The following ADGRD1 variants were observed in gnomAD, a reference collection of about 807,000 sequenced individuals.
The protein encoded by ADGRD1 is G-protein coupled receptor 133.
ADGRD1 carries 77 observed loss-of-function variants against 113.4 expected under a neutral mutation model. The observed-to-expected ratio is 0.68, with a 90% CI of 0.57 to 0.82. ADGRD1 has a LOEUF of 0.82. Ranked by LOEUF, ADGRD1 falls within the 40% of genes least tolerant of loss-of-function variation. The pLI is 0.00. For synonymous variants in ADGRD1, 474 were observed against 475.0 expected (o/e 1.00, Z 0.03); for missense variants, 1,036 against 1,139.1 (o/e 0.91, Z 1.30).
intron 13 of ADGRD1, among the ~76,000 whole-genome samples, chr12:131,032,587 C>T (rs963249607): frequency 3.3e-5 from 5 of 152,212 alleles, no homozygotes; most frequent in Non-Finnish European, 7.3e-5. Context: ...CGTGGTTGCT[C>T]ACTGTGCTTC....
Position 130,954,743 on chromosome 12 carries a change from T to C in ADGRD1, c.103+83T>C. The C allele has an allele frequency of 7.5e-7, 1 of 1,340,146 alleles. No homozygotes were observed. Among genetic ancestry groups the C allele is most frequent in the Non-Finnish European group, 1.1e-6 (1 of 932,896 alleles). 83.0% of individuals were successfully genotyped at this position (1,340,146 alleles called of 1,614,324 possible). A position where few individuals can be genotyped will look rare whatever the true frequency, so the allele number is the denominator to read the frequency against. The stretch of plus-strand genomic sequence containing the variant: ...CTCAGGAACAGCCCACTTGTTCATC[T>C]CTGAGGCATCAGCGAATGGCCCTTG... On this transcript the variant is annotated intron_variant, in intron 2 of 24. Coordinates refer to ENST00000261654, the MANE Select transcript of ADGRD1 (RefSeq NM_198827.5). This position sits in a 1 kb window ranked among gnomAD's most constrained non-coding sequence, Gnocchi z 4.7.
intron 3 of ADGRD1, chr12:130,968,191 C>A (rs1871230398): frequency 6.6e-6 from 1 of 152,188 alleles, no homozygotes; most frequent in Admixed American, 6.5e-5. Context: ...TGCTTTGAAA[C>A]CTTTACCTAT....
intron 2 of ADGRD1, among the ~76,000 whole-genome samples, chr12:130,955,685 T>C (rs982147940): frequency 1.3e-5 from 2 of 152,224 alleles, no homozygotes; most frequent in Non-Finnish European, 2.9e-5. Flanking sequence ...GCACAGCCTC[T>C]GCCCCCGCCC....
intron 12 of ADGRD1, among the ~76,000 whole-genome samples, chr12:131,013,818 G>A (rs971602819): frequency 1.3e-5 from 2 of 152,170 alleles, no homozygotes; most frequent in African/African-American, 4.8e-5. Flanking sequence ...AAGTGGAATC[G>A]GTGAGATTCA....
intron 15 of ADGRD1, among the ~76,000 whole-genome samples, chr12:131,090,999 T>C (rs1281296716): frequency 6.6e-6 from 1 of 152,136 alleles, no homozygotes; most frequent in Non-Finnish European, 1.5e-5. Context: ...TCCTGCTGAG[T>C]GCAGTTCAAG....
intron 3 of ADGRD1, chr12:130,969,272 G>T (rs1225736095): frequency 1.3e-5 from 7 of 548,098 alleles, no homozygotes; most frequent in Non-Finnish European, 2.3e-5. Flanking sequence ...CAATACATTA[G>T]AACAGGGGTC....
At chr12:130,996,078 G>C (rs1233741863) in intron 8 of ADGRD1, among the ~76,000 whole-genome samples, 1 of 152,182 alleles carries the variant, frequency 6.6e-6, no homozygotes, top group African/African-American at 2.4e-5. Context: ...ATGTTTCAGA[G>C]AGCACAGGTT....
At chr12:131,069,852 T>G (rs1049520393) in intron 13 of ADGRD1, 3 of 152,218 alleles carry the variant, frequency 2.0e-5, no homozygotes, top group Non-Finnish European at 4.4e-5. Context: ...TAAAAACGTT[T>G]TGAGTAGCCT....
Position 130,963,298 on chromosome 12 carries a change from C to T in ADGRD1, c.104-3165C>T, listed in dbSNP as rs373912414. ...TCGCGCCACTGCACTCCAGCCTGGG[C>T]GACAGAGCCAGACTCCGTCTCAAAA... On this transcript the variant is annotated intron_variant, in intron 2 of 24. Coordinates refer to ENST00000261654, the MANE Select transcript of ADGRD1 (RefSeq NM_198827.5). Among the ~76,000 whole-genome samples, 62 of 113,948 alleles carry T rather than the reference C, an allele frequency of 5.4e-4. No individual in the cohort carries two copies. In the East Asian group the frequency reaches 0.013, roughly 24 times the overall value. The allele number at this position is 113,948 out of a possible 152,430, so 74.8% of individuals were successfully genotyped here.
Position 131,057,863 on chromosome 12 carries a change from T to C in ADGRD1, c.1474-18938T>C, listed in dbSNP as rs1884008744. 6.6e-6 allele frequency among the ~76,000 whole-genome samples: 1 copy of C among 152,128 alleles called. No individual in the cohort carries two copies. The highest frequency in any genetic ancestry group is 1.5e-5 in the Non-Finnish European group (1 of 68,020). On this transcript the variant is annotated intron_variant, in intron 13 of 24. Coordinates refer to ENST00000261654, the MANE Select transcript of ADGRD1 (RefSeq NM_198827.5). The surrounding 1 kb of genome is among the most constrained non-coding windows in gnomAD (Gnocchi z 4.2). Reference sequence around the variant, plus strand: ...GCATGTCTCTGCCTTCACTGGTACCTCCCTAGTCAAGGACCCCATGTGCTT... The same window carrying C: ...GCATGTCTCTGCCTTCACTGGTACCCCCCTAGTCAAGGACCCCATGTGCTT...
intron 8 of ADGRD1, 135 bp from the exon 9 acceptor site, chr12:131,000,247 AT>A (rs1405297960): frequency 4.4e-6 from 3 of 687,242 alleles, no homozygotes; most frequent in African/African-American, 3.5e-5. Flanking sequence ...TGACTCAGCT[AT>A]TTTTGTTGAC....
chr12:131,079,701 G>A (rs1885919609), intron 14 of ADGRD1, among the ~76,000 whole-genome samples: 1 of 152,134 alleles, frequency 6.6e-6, no homozygotes, highest in Non-Finnish European at 1.5e-5. Flanking sequence ...ATAAGTTCAA[G>A]CAGTTTATGT....
At chr12:131,014,575 G>A (rs566791894) in intron 13 of ADGRD1, among the ~76,000 whole-genome samples, 8 of 152,288 alleles carry the variant, frequency 5.3e-5, no homozygotes, top group East Asian at 3.9e-4. Context: ...GGGAAGAGGC[G>A]TCGAGGTGGC....
At chr12:131,102,715 AG>A (rs1950117204) in intron 15 of ADGRD1, among the ~76,000 whole-genome samples, 1 of 152,204 alleles carries the variant, frequency 6.6e-6, no homozygotes, top group South Asian at 2.1e-4. Flanking sequence ...CACCTGCTGC[AG>A]GGAAGCCCAC....
rs1231669072 is a variant in ADGRD1, at chr12:131,060,785, A to G, written c.1474-16016A>G. Among the ~76,000 whole-genome samples, 2 of 152,068 alleles carry G rather than the reference A, an allele frequency of 1.3e-5. No individual in the cohort carries two copies. The highest frequency in any genetic ancestry group is 2.4e-5 in the African/African-American group (1 of 41,396). On this transcript the variant is annotated intron_variant, in intron 13 of 24. Coordinates refer to ENST00000261654, the MANE Select transcript of ADGRD1 (RefSeq NM_198827.5). This position sits in a 1 kb window ranked among gnomAD's most constrained non-coding sequence, Gnocchi z 4.4. The stretch of plus-strand genomic sequence containing the variant: ...TGGGATGCGGAATGTAAAATCACTT[A>G]TGATCTCACTGCCTGGAGATCCCAT...
rs1320087234 is a variant in ADGRD1 at position 131,041,935 on chromosome 12, C to G, written c.1473+27595C>G. On this transcript the variant is annotated intron_variant, in intron 13 of 24. Coordinates refer to ENST00000261654, the MANE Select transcript of ADGRD1 (RefSeq NM_198827.5). The surrounding 1 kb of genome is among the most constrained non-coding windows in gnomAD (Gnocchi z 4.4). ...AGTCGGGTTTGTTATCCGAGTCCCC[C>G]TGCGAGGAGAAGGCGCCGATGACCT... Among the ~76,000 whole-genome samples the G allele has an allele frequency of 2.0e-5, 3 of 152,114 alleles. No individual in the cohort carries two copies. Among genetic ancestry groups the G allele is most frequent in the South Asian group, 2.1e-4 (1 of 4,812 alleles).
At chr12:131,119,819 T>C (rs1238421446) in intron 19 of ADGRD1, among the ~76,000 whole-genome samples, 1 of 152,234 alleles carries the variant, frequency 6.6e-6, no homozygotes, top group Non-Finnish European at 1.5e-5. Context: ...CTCTCCGTGC[T>C]CTGGGTGTGC....
intron 3 of ADGRD1, chr12:130,967,095 G>A (rs542754581): frequency 2.2e-6 from 1 of 450,204 alleles, no homozygotes; most frequent in African/African-American, 2.0e-5. Flanking sequence ...GAATGGACTA[G>A]CGTCATCTGC....
Position 131,096,829 on chromosome 12 carries a change from G to C in ADGRD1, c.1672-8002G>C, listed in dbSNP as rs577802779. 7.2e-5 allele frequency among the ~76,000 whole-genome samples: 11 copies of C among 152,318 alleles called. No homozygotes were observed. The highest frequency in any genetic ancestry group is 6.2e-4 in the South Asian group (3 of 4,832). ...TGAGTTCCCAGTCATGTTGAGTCCT[G>C]GGTTCTGCTCTGAGATCCACCTGCC... On this transcript the variant is annotated intron_variant, in intron 15 of 24. Coordinates refer to ENST00000261654, the MANE Select transcript of ADGRD1 (RefSeq NM_198827.5). The surrounding 1 kb of genome is among the most constrained non-coding windows in gnomAD (Gnocchi z 5.2).
Sources: allele counts gnomAD v4.1 joint callset (sites outside exome capture counted in the v4.1 genomes callset), GRCh38; gene constraint gnomAD v4.1.1; non-coding constraint Gnocchi (gnomAD v3.1); transcripts MANE v1.5; gene names NCBI Gene and HGNC (gene_info 2026-07-23, HGNC 2026-07-21).